TBK1: variants seen among roughly 807,000 people sequenced by gnomAD.
TBK1 encodes the protein serine/threonine-protein kinase TBK1.
In TBK1, 37 loss-of-function variants were observed where a neutral mutation model predicts 99.9. The observed-to-expected ratio is 0.37, with a 90% CI of 0.28 to 0.49. The LOEUF (loss-of-function observed/expected upper bound fraction) is 0.49, where lower values mean the gene tolerates loss of function less well. TBK1 is among the 20% of genes least tolerant of loss of function. The probability of loss-of-function intolerance (pLI) is 0.98; values close to 1 mark genes in which losing one functional copy is unlikely to be tolerated. For synonymous variants in TBK1, 258 were observed against 279.8 expected, an observed-to-expected ratio of 0.92 and a Z score of 0.78; for missense variants, 644 against 872.5, an observed-to-expected ratio of 0.74 and a Z score of 3.30.
chr12:64,477,608 T>TA (rs551022521), intron 6 of TBK1, among the ~76,000 whole-genome samples: 169 of 152,314 alleles, frequency 1.1e-3, no homozygotes, highest in African/African-American at 3.7e-3. Flanking sequence ...AGAGAGATAA[T>TA]TTGACTACCT....
chr12:64,499,693 C>CTTTTTTTTTTT, intron 20 of TBK1, among the ~76,000 whole-genome samples: 1 of 82,942 alleles, frequency 1.2e-5, no homozygotes, highest in Non-Finnish European at 2.2e-5. Context: ...TAAAGATGTG[C>CTTTTTTTTTTT]TTTTTTTTTT....
intron 11 of TBK1, among the ~76,000 whole-genome samples, chr12:64,486,626 G>T (rs1033626122): frequency 6.7e-6 from 1 of 150,066 alleles, no homozygotes; most frequent in Admixed American, 6.6e-5. Flanking sequence ...GTGATGGGGG[G>T]TCTAGTTATG....
intron 4 of TBK1, among the ~76,000 whole-genome samples, chr12:64,466,543 T>C (rs193170453): frequency 3.0e-4 from 46 of 152,196 alleles, no homozygotes; most frequent in Admixed American, 2.6e-4. Context: ...ATTGATATCT[T>C]TTTTGGGAAT....
At chr12:64,458,398 T>C (rs2040511847) in intron 2 of TBK1, among the ~76,000 whole-genome samples, 1 of 151,998 alleles carries the variant, frequency 6.6e-6, no homozygotes. Flanking sequence ...TTTATTAAAT[T>C]GCTTTTAGTT....
intron 9 of TBK1, 122 bp from the exon 10 acceptor site, chr12:64,485,333 C>T (rs2040808408): frequency 4.3e-6 from 2 of 465,996 alleles, no homozygotes; most frequent in African/African-American, 2.0e-5. Context: ...TTTTTAATCA[C>T]GAAAACTACA....
intron 3 of TBK1, among the ~76,000 whole-genome samples, chr12:64,463,515 A>G (rs954911809): frequency 2.0e-5 from 3 of 152,074 alleles, no homozygotes; most frequent in Admixed American, 6.6e-5. Context: ...CCTGGGCAAC[A>G]TAGTGAGACC....
chr12:64,490,090 A>G lies in TBK1; in HGVS notation c.1492A>G (p.Ile498Val). 4.3e-6 allele frequency: 7 copies of G among 1,611,700 alleles called. No homozygotes were observed. The highest frequency in any genetic ancestry group is 5.9e-6 in the Non-Finnish European group (7 of 1,178,876). ...INLEAAELGE[I>V]SDIHTKLLRL... ...CCTGGAAGCGGCAGAGTTAGGTGAA[A>G]TTTCAGACATACACACCAAATTGTT... The change falls in exon 13 of 21, where the codon ATT becomes GTT. Residue 498 changes from isoleucine (I) to valine (V), a missense_variant. Ile to Val is a conservative substitution (Grantham distance 29, BLOSUM62 3). Coordinates refer to ENST00000331710, the MANE Select transcript of TBK1 (RefSeq NM_013254.4).
At chr12:64,465,072 T>C (rs887193904) in intron 4 of TBK1, among the ~76,000 whole-genome samples, 1 of 151,158 alleles carries the variant, frequency 6.6e-6, no homozygotes, top group African/African-American at 2.4e-5. Context: ...AGTGAGCCCC[T>C]GTCTCTACAA....
intron 20 of TBK1, among the ~76,000 whole-genome samples, chr12:64,499,746 G>A (rs575769634): frequency 7.0e-6 from 1 of 143,082 alleles, no homozygotes; most frequent in African/African-American, 2.6e-5. Context: ...TCGCCAGGCG[G>A]GAGTGCAGTG....
intron 16 of TBK1, among the ~76,000 whole-genome samples, chr12:64,496,615 G>T (rs577437359): frequency 6.6e-6 from 1 of 152,308 alleles, no homozygotes; most frequent in East Asian, 1.9e-4. Context: ...AAGGAGGGGG[G>T]AGAAAGATTA....
chr12:64,497,903 C>G, intron 19 of TBK1, 65 bp from the exon 20 acceptor site: 1 of 1,492,230 alleles, frequency 6.7e-7, no homozygotes, highest in Non-Finnish European at 9.3e-7. Context: ...GAAAATAAAA[C>G]ATAAACATCA....
intron 3 of TBK1, among the ~76,000 whole-genome samples, chr12:64,461,757 A>G (rs1482350042): frequency 1.3e-5 from 2 of 152,226 alleles, no homozygotes; most frequent in South Asian, 2.1e-4. Flanking sequence ...GGGGTTGCCC[A>G]TGACACTCAG....
At chr12:64,493,278 C>CA (rs1344447368) in intron 13 of TBK1, among the ~76,000 whole-genome samples, 2 of 151,964 alleles carry the variant, frequency 1.3e-5, no homozygotes, top group African/African-American at 4.8e-5. Context: ...ATTATGCACC[C>CA]AAAAAATGAT....
chr12:64,499,058 T>TA (rs753957644), intron 20 of TBK1, among the ~76,000 whole-genome samples: 2 of 133,330 alleles, frequency 1.5e-5, no homozygotes, highest in Non-Finnish European at 3.3e-5. Context: ...TTTTTTTTTT[T>TA]CCCCCGAGAC....
intron 7 of TBK1, among the ~76,000 whole-genome samples, chr12:64,480,360 T>C (rs559121123): frequency 2.0e-5 from 3 of 152,304 alleles, no homozygotes; most frequent in East Asian, 3.9e-4. Flanking sequence ...ATTTTTGAGA[T>C]TGGTAATCAC....
Position 64,483,188 on chromosome 12 carries a change from CTGGA to C in TBK1, c.993-1109_993-1106del, listed in dbSNP as rs1422770373. Among the ~76,000 whole-genome samples, 3 of 151,632 alleles carry C rather than the reference CTGGA, an allele frequency of 2.0e-5. 1 individual carries two copies. Among genetic ancestry groups the C allele is most frequent in the Admixed American group, 2.0e-4 (3 of 15,242 alleles). Reference sequence around the variant, plus strand: ...TGTAACACAAAAGATAAATGCTTGACTGGATGGATACCCCATTCTCCATGGTGTG... The same window carrying C: ...TGTAACACAAAAGATAAATGCTTGACTGGATACCCCATTCTCCATGGTGTG... On this transcript the variant is annotated intron_variant, in intron 8 of 20. Coordinates refer to ENST00000331710, the MANE Select transcript of TBK1 (RefSeq NM_013254.4).
chr12:64,483,921 C>T (rs1487315544), intron 8 of TBK1: 2 of 153,430 alleles, frequency 1.3e-5, no homozygotes, highest in Non-Finnish European at 2.9e-5. Context: ...GCACGAGAAT[C>T]GCTTGAATCC....
intron 20 of TBK1, among the ~76,000 whole-genome samples, chr12:64,500,596 C>T (rs984241333): frequency 2.0e-5 from 3 of 151,988 alleles, no homozygotes; most frequent in African/African-American, 7.3e-5. Flanking sequence ...CCTAAAAAGT[C>T]AAGTCTAAAT....
chr12:64,488,232 T>A (rs1376646365), intron 11 of TBK1, among the ~76,000 whole-genome samples: 1 of 152,228 alleles, frequency 6.6e-6, no homozygotes, highest in Non-Finnish European at 1.5e-5. Flanking sequence ...TAGTTTTTAC[T>A]CCTTAATGTA....
Sources: allele counts gnomAD v4.1 joint callset (sites outside exome capture counted in the v4.1 genomes callset), GRCh38; gene constraint gnomAD v4.1.1; transcripts MANE v1.5; gene names NCBI Gene and HGNC (gene_info 2026-07-23, HGNC 2026-07-21).